MEOX2: variants seen among roughly 807,000 people sequenced by gnomAD.
The protein encoded by MEOX2 is homeobox protein MOX-2.
Under a neutral mutation model 27.0 loss-of-function variants are expected in MEOX2, and 11 were observed. The ratio of observed to expected loss-of-function variants is 0.41; its 90% CI spans 0.26 to 0.68. The LOEUF (loss-of-function observed/expected upper bound fraction) is 0.68, where lower values mean the gene tolerates loss of function less well. Among genes scored for constraint, MEOX2 ranks in the 30% least tolerant of loss-of-function variants. The pLI is 0.33. For synonymous variants in MEOX2, 189 were observed against 155.4 expected, an observed-to-expected ratio of 1.22 and a Z score of -1.61; for missense variants, 436 against 385.4, an observed-to-expected ratio of 1.13 and a Z score of -1.10.
intron 1 of MEOX2, among the ~76,000 whole-genome samples, chr7:15,631,956 G>GA (rs1423701920): frequency 1.0e-5 from 1 of 97,992 alleles, no homozygotes; most frequent in Non-Finnish European, 2.1e-5. Flanking sequence ...AGAGAGAGGA[G>GA]AAAATAGCAC....
At chr7:15,622,979 G>T (rs1781243903) in intron 2 of MEOX2, among the ~76,000 whole-genome samples, 1 of 152,168 alleles carries the variant, frequency 6.6e-6, no homozygotes, top group Non-Finnish European at 1.5e-5. Flanking sequence ...GTGCTCACCA[G>T]ACACCGAATC....
chr7:15,655,931 G>A (rs913214049), intron 1 of MEOX2, among the ~76,000 whole-genome samples: 10 of 151,566 alleles, frequency 6.6e-5, no homozygotes, highest in Admixed American at 3.3e-4. Context: ...CTGTTTTATC[G>A]ATTGAGAGAG....
intron 1 of MEOX2, among the ~76,000 whole-genome samples, chr7:15,655,865 T>C (rs1781811698): frequency 6.6e-6 from 1 of 151,802 alleles, no homozygotes; most frequent in South Asian, 2.1e-4. Flanking sequence ...CCATTAGGTC[T>C]TGTTGGTTTA....
chr7:15,650,855 G>T (rs942695738), intron 1 of MEOX2, among the ~76,000 whole-genome samples: 1 of 152,010 alleles, frequency 6.6e-6, no homozygotes, highest in Non-Finnish European at 1.5e-5. Context: ...AGAGGCACTC[G>T]ATCTGCCTGC....
chr7:15,665,416 T>A (rs1158478127), intron 1 of MEOX2, among the ~76,000 whole-genome samples: 14 of 152,184 alleles, frequency 9.2e-5, no homozygotes. Context: ...AGAAAGAGAA[T>A]ACAAGAAAAC....
intron 1 of MEOX2, among the ~76,000 whole-genome samples, chr7:15,634,092 C>T (rs1781447479): frequency 6.6e-6 from 1 of 151,758 alleles, no homozygotes; most frequent in South Asian, 2.1e-4. Flanking sequence ...AACATGTTTA[C>T]ATAGAAAAGT....
intron 1 of MEOX2, among the ~76,000 whole-genome samples, chr7:15,666,567 C>T (rs1038671851): frequency 6.6e-6 from 1 of 151,312 alleles, no homozygotes; most frequent in Admixed American, 6.6e-5. Flanking sequence ...GCCTGGGCAA[C>T]ACGGTGAAAC....
chr7:15,633,521 G>T (rs999175635), intron 1 of MEOX2, among the ~76,000 whole-genome samples: 12 of 151,904 alleles, frequency 7.9e-5, no homozygotes, highest in African/African-American at 2.7e-4. Context: ...TGTGATGCCA[G>T]AAAATTCAGC....
At chr7:15,654,074 T>G (rs73288118) in intron 1 of MEOX2, among the ~76,000 whole-genome samples, 1 of 151,970 alleles carries the variant, frequency 6.6e-6, no homozygotes, top group African/African-American at 2.4e-5. Context: ...AGATCTTCTT[T>G]GATTTCCTTC....
In MEOX2 at chr7:15,655,326, C is replaced by T. The variant is rs375200218; in HGVS notation, c.518-28408G>A. Among the ~76,000 whole-genome samples the T allele has an allele frequency of 9.9e-5, 15 of 151,628 alleles. No homozygotes were observed. In the East Asian group the frequency reaches 1.4e-3, roughly 14 times the overall value. On this transcript the variant is annotated intron_variant, in intron 1 of 2. Coordinates refer to ENST00000262041, the MANE Select transcript of MEOX2 (RefSeq NM_005924.5). ...CAGTTTTAAAAATCATTTCAAAGAA[C>T]GAGCTTTTTATTTCACTTATTTTCT... is the stretch of plus-strand genomic sequence containing the variant.
intron 1 of MEOX2, among the ~76,000 whole-genome samples, chr7:15,665,175 A>G (rs1161978622): frequency 1.3e-5 from 2 of 152,144 alleles, no homozygotes; most frequent in Non-Finnish European, 2.9e-5. Context: ...AACCAGAGCC[A>G]TGTGATTCAA....
intron 1 of MEOX2, among the ~76,000 whole-genome samples, chr7:15,637,433 A>AT (rs1781496779): frequency 2.6e-5 from 4 of 152,014 alleles, no homozygotes; most frequent in Admixed American, 2.6e-4. Context: ...GACTTGAAGC[A>AT]TACACATTTT....
chr7:15,668,005 AT>A (rs1288937853), intron 1 of MEOX2: 2 of 152,094 alleles, frequency 1.3e-5, no homozygotes, highest in African/African-American at 4.8e-5. Flanking sequence ...ACATATTTAA[AT>A]TTCTTATTGG....
intron 1 of MEOX2, among the ~76,000 whole-genome samples, chr7:15,656,624 C>A (rs569283168): frequency 1.3e-5 from 2 of 151,636 alleles, no homozygotes; most frequent in African/African-American, 4.8e-5. Context: ...CCTCTTTAAC[C>A]TCCCCTATTT....
At chr7:15,665,187 A>G (rs1781981767) in intron 1 of MEOX2, among the ~76,000 whole-genome samples, 1 of 152,132 alleles carries the variant, frequency 6.6e-6, no homozygotes, top group Non-Finnish European at 1.5e-5. Flanking sequence ...GTGATTCAAT[A>G]TCATCAAATC....
At chr7:15,630,175 T>C (rs1056625730) in intron 1 of MEOX2, among the ~76,000 whole-genome samples, 1 of 152,062 alleles carries the variant, frequency 6.6e-6, no homozygotes, top group Admixed American at 6.6e-5. Flanking sequence ...TGTTGACTTA[T>C]GTGTTCAGGT....
chr7:15,647,728 T>C (rs1781674068), intron 1 of MEOX2, among the ~76,000 whole-genome samples: 1 of 152,112 alleles, frequency 6.6e-6, no homozygotes, highest in Non-Finnish European at 1.5e-5. Flanking sequence ...TTTATTTCAA[T>C]TTTCTTGAAA....
chr7:15,642,916 G>A (rs114623618), intron 1 of MEOX2, among the ~76,000 whole-genome samples: 182 of 152,228 alleles, frequency 1.2e-3, no homozygotes, highest in African/African-American at 3.5e-3. Context: ...TTTCTTAAGC[G>A]CTATTTGTTT....
intron 1 of MEOX2, among the ~76,000 whole-genome samples, chr7:15,673,597 C>CAAAAAAAAAAAAAA (rs35223717): frequency 1.3e-5 from 1 of 76,190 alleles, no homozygotes; most frequent in Non-Finnish European, 2.5e-5. Context: ...ACAAGTCTAT[C>CAAAAAAAAAAAAAA]AAAAAAAAAA....
Sources: allele counts gnomAD v4.1 joint callset (sites outside exome capture counted in the v4.1 genomes callset), GRCh38; gene constraint gnomAD v4.1.1; transcripts MANE v1.5; gene names NCBI Gene and HGNC (gene_info 2026-07-23, HGNC 2026-07-21).